Variants in PPP3R1 observed in about 807,000 individuals in gnomAD.
PPP3R1 encodes protein phosphatase 3 regulatory subunit B, alpha.
Under a neutral mutation model 22.6 loss-of-function variants are expected in PPP3R1, and 5 were observed. The observed-to-expected ratio is 0.22, with a 90% CI of 0.12 to 0.46. The LOEUF is 0.46. PPP3R1 is among the 20% of genes least tolerant of loss of function. The probability of loss-of-function intolerance (pLI) is 0.99; values close to 1 mark genes in which losing one functional copy is unlikely to be tolerated. For missense variants in PPP3R1, 61 were observed against 203.2 expected (o/e 0.30, Z 4.25); for synonymous variants, 56 against 65.2 (o/e 0.86, Z 0.68).
chr2:68,252,240 C>T lies in PPP3R1; in HGVS notation c.-113G>A, dbSNP rs1353389981. ...CCAGCTGCGGCCCTCGGGTCGCCGG[C>T]GGGGAGGGGGCGCGCGTGGGGGAGG... On this transcript the variant is annotated 5_prime_UTR_variant, in exon 1 of 6. Transcript: ENST00000234310. The T allele has an allele frequency of 3.8e-6, 4 of 1,048,736 alleles. No individual in the cohort carries two copies. Among genetic ancestry groups the T allele is most frequent in the East Asian group, 1.5e-4 (2 of 13,092 alleles). The allele number at this position is 1,048,736 out of a possible 1,614,324, so 65.0% of individuals were successfully genotyped here.
chr2:68,252,134 C>T lies in PPP3R1; in HGVS notation c.-7G>A. On this transcript the variant is annotated 5_prime_UTR_variant, in exon 1 of 6. Transcript: ENST00000234310. ...GAAGCCAAGGTCTCACCATTTTGCT[C>T]GGCGGGTCGGCGGCTCGCTGGCTCG... The T allele has an allele frequency of 1.4e-6, 2 of 1,432,644 alleles. No individual in the cohort carries two copies. The highest frequency in any genetic ancestry group is 1.9e-6 in the Non-Finnish European group (2 of 1,072,520). 88.7% of individuals were successfully genotyped at this position (1,432,644 alleles called of 1,614,324 possible). A position where few individuals can be genotyped will look rare whatever the true frequency, so the allele number is the denominator to read the frequency against.
At chr2:68,191,859 C>A (rs1674674656) in intron 2 of PPP3R1, among the ~76,000 whole-genome samples, 4 of 152,048 alleles carry the variant, frequency 2.6e-5, no homozygotes, top group Admixed American at 2.6e-4. Flanking sequence ...CTTATTTCCC[C>A]ATTTTCTATC....
At chr2:68,209,978 A>T (rs1347276185) in intron 2 of PPP3R1, among the ~76,000 whole-genome samples, 1 of 152,170 alleles carries the variant, frequency 6.6e-6, no homozygotes, top group Admixed American at 6.5e-5. Flanking sequence ...TTTGGGGGAA[A>T]AAAAAGGAGA....
intron 1 of PPP3R1, among the ~76,000 whole-genome samples, chr2:68,250,477 G>C (rs13035506): frequency 0.21 from 32,509 of 152,108 alleles, 3,715 homozygotes; most frequent in Non-Finnish European, 0.25. Context: ...ATAAAGCTAA[G>C]TAAAAACATT....
At chr2:68,181,348 G>A (rs1337572644) in intron 5 of PPP3R1, among the ~76,000 whole-genome samples, 2 of 149,068 alleles carry the variant, frequency 1.3e-5, no homozygotes, top group South Asian at 2.1e-4. Context: ...AGCCTATATC[G>A]CGCCACTGCA....
Position 68,252,281 on chromosome 2 carries a change from G to T in PPP3R1, c.-154C>A. On this transcript the variant is annotated 5_prime_UTR_variant, in exon 1 of 6. Transcript: ENST00000234310. ...GTGGGGGAGGGGAGGCGGCGCCGCG[G>T]GGCCCGCGCCGGCCGGGCGATTGGG... 4.8e-6 allele frequency: 5 copies of T among 1,040,316 alleles called. No homozygotes were observed. Among genetic ancestry groups the T allele is most frequent in the Non-Finnish European group, 5.8e-6 (5 of 866,652 alleles). The allele number at this position is 1,040,316 out of a possible 1,614,324, so 64.4% of individuals were successfully genotyped here.
chr2:68,183,483 C>T (rs1415172364), intron 5 of PPP3R1, among the ~76,000 whole-genome samples: 1 of 152,164 alleles, frequency 6.6e-6, no homozygotes, highest in Non-Finnish European at 1.5e-5. Flanking sequence ...TCTCAGAAAA[C>T]ATATTATTTT....
At chr2:68,243,279 A>C (rs1670167706) in intron 1 of PPP3R1, among the ~76,000 whole-genome samples, 1 of 152,186 alleles carries the variant, frequency 6.6e-6, no homozygotes. Flanking sequence ...CCAGGAATAC[A>C]TTTATCAAAA....
Position 68,190,566 on chromosome 2 carries a change from C to CA in PPP3R1, c.44-1877dup, listed in dbSNP as rs375536536. On this transcript the variant is annotated intron_variant, in intron 2 of 5. Coordinates refer to ENST00000234310, the MANE Select transcript of PPP3R1 (RefSeq NM_000945.4). The stretch of plus-strand genomic sequence containing the variant: ...GGGCGACAAAAGGGAAACTCCGTCT[C>CA]AAAAAACAAACAAAAAAAACCCCTC... 3.3e-3 allele frequency among the ~76,000 whole-genome samples: 501 copies of CA among 152,002 alleles called. 5 individuals carry two copies. Among genetic ancestry groups the CA allele is most frequent in the African/African-American group, 0.012 (481 of 41,464 alleles).
At chr2:68,189,211 C>G (rs1229451294) in intron 2 of PPP3R1, among the ~76,000 whole-genome samples, 1 of 152,124 alleles carries the variant, frequency 6.6e-6, no homozygotes, top group Non-Finnish European at 1.5e-5. Context: ...CCTCCCTTCC[C>G]ACCCCGAGAT....
At chr2:68,242,501 G>A (rs891048289) in intron 1 of PPP3R1, among the ~76,000 whole-genome samples, 6 of 152,074 alleles carry the variant, frequency 3.9e-5, no homozygotes, top group East Asian at 1.9e-4. Context: ...TAAAAGCAGC[G>A]TGACTGCCAG....
intron 1 of PPP3R1, among the ~76,000 whole-genome samples, chr2:68,243,256 T>C (rs1670167527): frequency 1.3e-5 from 2 of 152,162 alleles, no homozygotes; most frequent in African/African-American, 2.4e-5. Flanking sequence ...GACTATAAAA[T>C]CCAAAGACAA....
At chr2:68,208,973 G>A (rs1429899078) in intron 2 of PPP3R1, among the ~76,000 whole-genome samples, 1 of 150,866 alleles carries the variant, frequency 6.6e-6, no homozygotes, top group Non-Finnish European at 1.5e-5. Flanking sequence ...AGTCTGGGAG[G>A]AAACAGCAAA....
At chr2:68,186,719 A>G (rs1166675225) in intron 4 of PPP3R1, 67 bp from the exon 5 acceptor site, 1 of 1,330,928 alleles carries the variant, frequency 7.5e-7, no homozygotes, top group East Asian at 2.5e-5. Flanking sequence ...TTCAGTAAGA[A>G]AGAAAATAGT....
intron 2 of PPP3R1, among the ~76,000 whole-genome samples, chr2:68,199,648 A>G (rs909618083): frequency 2.0e-5 from 3 of 152,198 alleles, no homozygotes; most frequent in Non-Finnish European, 2.9e-5. Flanking sequence ...TTCTATTCCC[A>G]ATTCGCTAAT....
intron 5 of PPP3R1, among the ~76,000 whole-genome samples, chr2:68,186,196 C>T (rs985433221): frequency 6.6e-6 from 1 of 152,134 alleles, no homozygotes; most frequent in African/African-American, 2.4e-5. Flanking sequence ...TGTGGTTGTG[C>T]TTCTGTTCAG....
chr2:68,221,856 C>G (rs1000340353), intron 1 of PPP3R1, among the ~76,000 whole-genome samples: 1 of 150,004 alleles, frequency 6.7e-6, no homozygotes, highest in Admixed American at 6.6e-5. Flanking sequence ...AAAAAAAAAA[C>G]TATCAGTTTT....
intron 1 of PPP3R1, among the ~76,000 whole-genome samples, chr2:68,250,793 T>C (rs1670331934): frequency 6.6e-6 from 1 of 151,992 alleles, no homozygotes; most frequent in Non-Finnish European, 1.5e-5. Flanking sequence ...TCATTTGCCC[T>C]ATATTTTAAA....
chr2:68,190,621 T>C (rs1389822839), intron 2 of PPP3R1, among the ~76,000 whole-genome samples: 2 of 152,064 alleles, frequency 1.3e-5, no homozygotes, highest in African/African-American at 4.8e-5. Flanking sequence ...AAAACAATAG[T>C]GAAGAGGTGC....
Sources: gnomAD v4.1 joint callset for allele counts (sites outside exome capture counted in the v4.1 genomes callset) on GRCh38, gnomAD v4.1.1 for gene constraint, MANE v1.5 for transcripts, NCBI Gene and HGNC (gene_info 2026-07-23, HGNC 2026-07-21) for gene names.